PDGFD: variants seen among roughly 807,000 people sequenced by gnomAD.
The protein encoded by PDGFD is platelet derived growth factor D.
A neutral mutation model predicts 44.7 loss-of-function variants in PDGFD; 30 were observed. That is an observed-to-expected ratio of 0.67 (90% CI 0.50 to 0.91). The LOEUF (loss-of-function observed/expected upper bound fraction) is 0.91. Among genes scored for constraint, PDGFD ranks in the 40% least tolerant of loss-of-function variants. The pLI is 0.00. For synonymous variants in PDGFD, 173 were observed against 168.4 expected (o/e 1.03, Z -0.21); for missense variants, 445 against 457.8 (o/e 0.97, Z 0.25).
At chr11:104,022,186 G>C (rs1859965766) in intron 1 of PDGFD, among the ~76,000 whole-genome samples, 1 of 152,048 alleles carries the variant, frequency 6.6e-6, no homozygotes, top group Admixed American at 6.6e-5. Context: ...AAATATATTG[G>C]GATCTACTCT....
At chr11:104,047,202 C>G (rs557563042) in intron 1 of PDGFD, among the ~76,000 whole-genome samples, 2 of 147,532 alleles carry the variant, frequency 1.4e-5, no homozygotes, top group Non-Finnish European at 3.0e-5. Context: ...AATAAACATA[C>G]GTGTGCATGT....
intron 3 of PDGFD, among the ~76,000 whole-genome samples, chr11:103,982,545 T>G (rs765809338): frequency 2.0e-4 from 30 of 151,672 alleles, no homozygotes; most frequent in Non-Finnish European, 4.4e-5. Flanking sequence ...CGATTCAATA[T>G]AGTATTGAAA....
chr11:104,099,138 T>C (rs1405231487), intron 1 of PDGFD, among the ~76,000 whole-genome samples: 1 of 152,104 alleles, frequency 6.6e-6, no homozygotes, highest in Non-Finnish European at 1.5e-5. Flanking sequence ...CTCAATTAAT[T>C]TGAGCAATCA....
chr11:103,982,448 G>A (rs915845851), intron 3 of PDGFD, among the ~76,000 whole-genome samples: 1 of 151,700 alleles, frequency 6.6e-6, no homozygotes, highest in African/African-American at 2.4e-5. Context: ...AGTGAGGCAT[G>A]TATGTGGGTT....
chr11:104,121,634 A>G (rs1861780146), intron 1 of PDGFD, among the ~76,000 whole-genome samples: 1 of 152,094 alleles, frequency 6.6e-6, no homozygotes. Context: ...AAATAGACAT[A>G]AAGTTAATCT....
chr11:103,923,002 C>T (rs1858248948), intron 6 of PDGFD, among the ~76,000 whole-genome samples: 1 of 152,192 alleles, frequency 6.6e-6, no homozygotes, highest in Non-Finnish European at 1.5e-5. Context: ...TTCTCCACAA[C>T]TATCCACACT....
rs542212455 is a variant in PDGFD, at chr11:104,037,904, T to C, written c.125-37649A>G. On this transcript the variant is annotated intron_variant, in intron 1 of 6. Coordinates refer to ENST00000393158, the MANE Select transcript of PDGFD (RefSeq NM_025208.5). ...ACCACTGGCACGCAGACTTATTTTC[T>C]TCCTGAGGGAGAGTTGCCCTTATGC... The C allele has an allele frequency of 6.2e-7, 1 of 1,614,194 alleles. No homozygotes were observed. The highest frequency in any genetic ancestry group is 1.7e-5 in the Admixed American group (1 of 60,026).
chr11:104,111,243 T>A lies in PDGFD; in HGVS notation c.124+52561A>T, dbSNP rs572222325. ...AGGAACAAATCTATCTTATATGATC[T>A]GTGTATTAATTATTAATTCTTTTTT... On this transcript the variant is annotated intron_variant, in intron 1 of 6. Transcript: ENST00000393158. 3.6e-3 allele frequency among the ~76,000 whole-genome samples: 546 copies of A among 151,206 alleles called. 11 individuals are homozygous for A. Among genetic ancestry groups the A allele is most frequent in the South Asian group, 7.9e-3 (38 of 4,802 alleles).
At chr11:103,961,809 C>T (rs1858940257) in intron 3 of PDGFD, among the ~76,000 whole-genome samples, 2 of 152,262 alleles carry the variant, frequency 1.3e-5, no homozygotes, top group South Asian at 4.1e-4. Flanking sequence ...TTCCTACATA[C>T]AGGAAACAGC....
At chr11:104,128,101 T>C (rs1861864433) in intron 1 of PDGFD, among the ~76,000 whole-genome samples, 1 of 150,334 alleles carries the variant, frequency 6.7e-6, no homozygotes, top group Admixed American at 6.7e-5. Flanking sequence ...GCATCCCAGC[T>C]TCCCCACCCA....
chr11:104,004,210 T>C (rs938768785), intron 1 of PDGFD, among the ~76,000 whole-genome samples: 10 of 152,172 alleles, frequency 6.6e-5, no homozygotes, highest in Admixed American at 3.3e-4. Flanking sequence ...GAGAGGGGCT[T>C]TCCTTCTTAT....
intron 1 of PDGFD, among the ~76,000 whole-genome samples, chr11:104,006,371 C>T (rs1859702067): frequency 6.6e-6 from 1 of 152,198 alleles, no homozygotes; most frequent in African/African-American, 2.4e-5. Flanking sequence ...ACTTTCCTGC[C>T]ACCTCTTTGC....
intron 6 of PDGFD, among the ~76,000 whole-genome samples, chr11:103,912,550 G>A (rs1015971667): frequency 3.3e-5 from 5 of 152,166 alleles, no homozygotes; most frequent in Admixed American, 1.3e-4. Flanking sequence ...GACCATTGAT[G>A]CTATGAAGAA....
At chr11:104,035,995 CA>C (rs774070365) in intron 1 of PDGFD, among the ~76,000 whole-genome samples, 11 of 152,176 alleles carry the variant, frequency 7.2e-5, no homozygotes, top group Admixed American at 1.3e-4. Context: ...GTGAGCTCCT[CA>C]AGGGCAGGCT....
In PDGFD at chr11:103,927,025, A is replaced by G; in HGVS notation, c.874T>C (p.Phe292Leu). 1 of 1,614,230 alleles carries G rather than the reference A, an allele frequency of 6.2e-7. No individual in the cohort carries two copies. The highest frequency in any genetic ancestry group is 1.1e-5 in the South Asian group (1 of 91,088). ...REELKLANVV[F>L]FPRCLLVQRC... ...TGCACGAGGAGGCAACGTGGAAAGA[A>G]GACCACATTGGCCAACTTCAGCTCT... The change falls in exon 6 of 7, where the codon TTC becomes CTC. Residue 292 changes from phenylalanine (F) to leucine (L), a missense_variant. Coordinates refer to ENST00000393158, the MANE Select transcript of PDGFD (RefSeq NM_025208.5).
chr11:104,120,000 T>C (rs981070330), intron 1 of PDGFD, among the ~76,000 whole-genome samples: 39 of 143,724 alleles, frequency 2.7e-4, no homozygotes, highest in African/African-American at 9.6e-4. Flanking sequence ...ATTAAATTAA[T>C]ATATTAATAT....
rs1207291723 is a variant in PDGFD at position 104,119,342 on chromosome 11, GATATAAT to G, written c.124+44455_124+44461del. On this transcript the variant is annotated intron_variant, in intron 1 of 6. Transcript: ENST00000393158. ...ATATTGATATAATATATAATATATT[GATATAAT>G]ATATAATATATTGATATAATATATT... Among the ~76,000 whole-genome samples the G allele has an allele frequency of 9.7e-4, 30 of 30,986 alleles. 1 individual carries two copies. Among genetic ancestry groups the G allele is most frequent in the African/African-American group, 1.2e-3 (10 of 8,582 alleles). 20.3% of individuals were successfully genotyped at this position (30,986 alleles called of 152,430 possible).
chr11:104,112,723 C>T (rs1156260544), intron 1 of PDGFD, among the ~76,000 whole-genome samples: 1 of 152,026 alleles, frequency 6.6e-6, no homozygotes. Context: ...CCTTTGCAGG[C>T]ACCTGAATGG....
chr11:103,965,347 A>T (rs1859000784), intron 3 of PDGFD, among the ~76,000 whole-genome samples: 2 of 152,174 alleles, frequency 1.3e-5, no homozygotes, highest in Non-Finnish European at 1.5e-5. Context: ...GTGAGAGAAG[A>T]CGTTAGAGGT....
Sources: allele counts gnomAD v4.1 joint callset (sites outside exome capture counted in the v4.1 genomes callset), GRCh38; gene constraint gnomAD v4.1.1; transcripts MANE v1.5; gene names NCBI Gene and HGNC (gene_info 2026-07-23, HGNC 2026-07-21).